Variants in NSD2 observed in about 807,000 individuals in gnomAD.
NSD2 encodes the protein histone-lysine N-methyltransferase NSD2.
A neutral mutation model predicts 139.0 loss-of-function variants in NSD2; 12 were observed. The ratio of observed to expected loss-of-function variants is 0.09; its 90% CI spans 0.06 to 0.14. The LOEUF (loss-of-function observed/expected upper bound fraction) is 0.14. Among genes scored for constraint, NSD2 ranks in the 10% least tolerant of loss-of-function variants. The probability of loss-of-function intolerance (pLI) is 1.00; values close to 1 mark genes in which losing one functional copy is unlikely to be tolerated. For missense variants in NSD2, 1,155 were observed against 1,745.0 expected (o/e 0.66, Z 6.02); for synonymous variants, 669 against 648.7 (o/e 1.03, Z -0.48).
At chr4:1,960,194 A>G (rs1358088058) in intron 17 of NSD2, among the ~76,000 whole-genome samples, 1 of 152,230 alleles carries the variant, frequency 6.6e-6, no homozygotes, top group African/African-American at 2.4e-5. Context: ...TTACAATTGA[A>G]TATTTTAAAA....
At chr4:1,890,242 C>G (rs1366697678) in intron 1 of NSD2, among the ~76,000 whole-genome samples, 1 of 152,018 alleles carries the variant, frequency 6.6e-6, no homozygotes, top group Non-Finnish European at 1.5e-5. Context: ...TTGCTTTTTG[C>G]TATTACGAAT....
intron 18 of NSD2, among the ~76,000 whole-genome samples, chr4:1,969,785 A>G (rs1726255134): frequency 1.3e-5 from 2 of 152,244 alleles, no homozygotes; most frequent in Non-Finnish European, 2.9e-5. Context: ...AAAAATTTTT[A>G]TCACAAAGTA....
intron 1 of NSD2, among the ~76,000 whole-genome samples, chr4:1,880,307 G>A (rs141757418): frequency 2.7e-4 from 41 of 152,220 alleles, no homozygotes; most frequent in African/African-American, 9.9e-4. Context: ...GATGAAGTTA[G>A]AACTCCTGCA....
At chr4:1,915,363 C>G (rs1445315337) in intron 3 of NSD2, among the ~76,000 whole-genome samples, 1 of 152,162 alleles carries the variant, frequency 6.6e-6, no homozygotes, top group Non-Finnish European at 1.5e-5. Flanking sequence ...GTCCGCCTGC[C>G]TCGGCCTCCC....
At chr4:1,959,884 A>AAAATTTGTTTTGTTTTGTTT in intron 17 of NSD2, 144 bp downstream of exon 17, 6 of 1,000,658 alleles carry the variant, frequency 6.0e-6, no homozygotes, top group Non-Finnish European at 8.6e-6. Context: ...GTTTTGAGAC[A>AAAATTTGTTTTGTTTTGTTT]GGGTCTCACT....
intron 9 of NSD2, chr4:1,947,661 C>T (rs1723769014): frequency 9.5e-7 from 1 of 1,055,406 alleles, no homozygotes; most frequent in African/African-American, 1.7e-5. Context: ...ATCTGCTGAG[C>T]ACAGGGCTGT....
intron 9 of NSD2, chr4:1,940,935 G>A (rs1268682994): frequency 1.9e-6 from 2 of 1,056,974 alleles, no homozygotes; most frequent in Non-Finnish European, 1.1e-6. Flanking sequence ...TTTTCTGCAG[G>A]GACTCAAACC....
intron 3 of NSD2, among the ~76,000 whole-genome samples, chr4:1,905,778 G>C (rs1254901902): frequency 6.6e-6 from 1 of 152,210 alleles, no homozygotes; most frequent in African/African-American, 2.4e-5. Context: ...CCTGGCTTCA[G>C]CTCTGTCTCC....
chr4:1,919,540 C>T (rs1052726683), intron 5 of NSD2, among the ~76,000 whole-genome samples: 1 of 152,178 alleles, frequency 6.6e-6, no homozygotes, highest in African/African-American at 2.4e-5. Context: ...ATCATATTCT[C>T]ATGCTTAAAA....
At chr4:1,953,565 C>G in intron 12 of NSD2, 41 bp downstream of exon 12, 1 of 1,562,094 alleles carries the variant, frequency 6.4e-7, no homozygotes, top group Non-Finnish European at 8.6e-7. Context: ...GGTTCAGATG[C>G]AGGCCAGACG....
rs1477604594 is a variant in NSD2 at position 1,956,937 on chromosome 4, T to G, written c.2881+749T>G. Among the ~76,000 whole-genome samples the G allele has an allele frequency of 1.3e-5, 2 of 152,206 alleles. No individual in the cohort carries two copies. Among genetic ancestry groups the G allele is most frequent in the African/African-American group, 4.8e-5 (2 of 41,460 alleles). ...TGCACTGAGTGGTAGGAGTGCATGG[T>G]GGGCATTCAGAGATCTCATAAAGAA... On this transcript the variant is annotated intron_variant, in intron 15 of 21. Coordinates refer to ENST00000508803, the MANE Select transcript of NSD2 (RefSeq NM_001042424.3). This position sits in a 1 kb window ranked among gnomAD's most constrained non-coding sequence, Gnocchi z 5.3.
intron 21 of NSD2, among the ~76,000 whole-genome samples, chr4:1,977,201 A>G (rs981372361): frequency 2.6e-5 from 4 of 152,256 alleles, no homozygotes; most frequent in Non-Finnish European, 4.4e-5. Context: ...AAGGAGCTGC[A>G]GCTCTGGCTC....
At chr4:1,887,478 CTTTA>C (rs906568033) in intron 1 of NSD2, 4 of 152,202 alleles carry the variant, frequency 2.6e-5, no homozygotes, top group South Asian at 2.1e-4. Context: ...TATTGACCAT[CTTTA>C]TTTATATTTT....
chr4:1,904,204 G>C lies in NSD2; in HGVS notation c.598-12G>C. 1 of 1,611,640 alleles carries C rather than the reference G, an allele frequency of 6.2e-7. No homozygotes were observed. The highest frequency in any genetic ancestry group is 8.5e-7 in the Non-Finnish European group (1 of 1,178,330). On this transcript the variant is annotated splice_polypyrimidine_tract_variant and intron_variant, in intron 2 of 21. Coordinates refer to ENST00000508803, the MANE Select transcript of NSD2 (RefSeq NM_001042424.3). ...GATGTGTTAGTGTTTGTCTTCTGTT[G>C]TTCATTTTCAGATTCCAGCTAAGAA...
At chr4:1,916,634 G>A (rs62287003) in intron 3 of NSD2, among the ~76,000 whole-genome samples, 2 of 152,206 alleles carry the variant, frequency 1.3e-5, no homozygotes, top group African/African-American at 2.4e-5. Flanking sequence ...GAGGGACTGC[G>A]CCTGGCCTGG....
Position 1,953,365 on chromosome 4 carries a change from G to C in NSD2, c.2179G>C (p.Val727Leu), listed in dbSNP as rs766187206. 10 of 1,614,120 alleles carry C rather than the reference G, an allele frequency of 6.2e-6. No individual in the cohort carries two copies. The highest frequency in any genetic ancestry group is 8.5e-6 in the Non-Finnish European group (10 of 1,180,054). ...CGTGTGTAAAGAGAGCAAGACAGAT[G>C]TTAAGCGCTGTGTGGTAACTCAGTG... Reference protein sequence around the residue: ...CFVCKESKTDVKRCVVTQCGK... With the variant: ...CFVCKESKTDLKRCVVTQCGK... The change falls in exon 12 of 22, where the codon GTT (valine) becomes CTT (leucine). Residue 727 changes from valine (V) to leucine (L), a missense_variant. This residue lies in a region of NSD2 where 120 missense variants were observed against 239.3 expected (regional missense o/e 0.50). Transcript: ENST00000508803.
chr4:1,935,306 C>T, intron 7 of NSD2, 44 bp downstream of exon 7: 1 of 1,479,112 alleles, frequency 6.8e-7, no homozygotes, highest in Non-Finnish European at 9.4e-7. Context: ...AGTGTATGCT[C>T]TGTGACTCTT....
chr4:1,892,797 G>C (rs1715694654), intron 1 of NSD2: 1 of 152,090 alleles, frequency 6.6e-6, no homozygotes, highest in Non-Finnish European at 1.5e-5. Context: ...TTGAACTCCT[G>C]ACCTTGTGAT....
chr4:1,975,228 C>T (rs993936532), intron 19 of NSD2, 66 bp from the exon 20 acceptor site: 17 of 1,509,438 alleles, frequency 1.1e-5, no homozygotes, highest in Admixed American at 5.1e-5. Context: ...ACCTAATACA[C>T]GCCCCTTAGC....
Sources: allele counts gnomAD v4.1 joint callset (sites outside exome capture counted in the v4.1 genomes callset), GRCh38; gene constraint gnomAD v4.1.1; regional missense constraint gnomAD v4.1.1; non-coding constraint Gnocchi (gnomAD v3.1); transcripts MANE v1.5; gene names NCBI Gene and HGNC (gene_info 2026-07-23, HGNC 2026-07-21).